Variants in HSPA12A observed in about 807,000 individuals in gnomAD.
The protein encoded by HSPA12A is heat shock 70 kDa protein 12A.
Under a neutral mutation model 69.2 loss-of-function variants are expected in HSPA12A, and 28 were observed. The ratio of observed to expected loss-of-function variants is 0.40; its 90% CI spans 0.30 to 0.55. The LOEUF (loss-of-function observed/expected upper bound fraction) is 0.55, where lower values mean the gene tolerates loss of function less well. Among genes scored for constraint, HSPA12A ranks in the 20% least tolerant of loss-of-function variants. The pLI, the probability that HSPA12A is intolerant of heterozygous loss-of-function variation, is 0.38. For missense variants in HSPA12A, 686 were observed against 900.7 expected (o/e 0.76, Z 3.05); for synonymous variants, 345 against 370.5 (o/e 0.93, Z 0.79).
At chr10:116,760,614 T>C (rs1238473536) in intron 2 of HSPA12A, among the ~76,000 whole-genome samples, 9 of 152,330 alleles carry the variant, frequency 5.9e-5, no homozygotes, top group Non-Finnish European at 1.2e-4. Context: ...ATGTACTTGC[T>C]CAATGAATTA....
rs966214508 is a variant in HSPA12A at position 116,838,054 on chromosome 10, T to TA, written c.4-3033dup. ...AAGTTCTGCCTGGCTCTGAGTCCCT[T>TA]AAAAAAAAACAAGATTTATATACTC... On this transcript the variant is annotated intron_variant, in intron 1 of 12. Coordinates refer to the HSPA12A transcript ENST00000635765. Among the ~76,000 whole-genome samples, 373 of 150,866 alleles carry TA rather than the reference T, an allele frequency of 2.5e-3. 1 individual carries two copies. Among genetic ancestry groups the TA allele is most frequent in the African/African-American group, 7.5e-3 (308 of 41,178 alleles).
At position 116,700,955 on chromosome 10, in the gene HSPA12A, C is replaced by T; in HGVS notation, c.429G>A (p.Leu143=). The change falls in exon 4 of 12, where the codon CTG becomes CTA. Residue 143 remains leucine (L), a synonymous_variant. Coordinates refer to ENST00000369209, the MANE Select transcript of HSPA12A (RefSeq NM_025015.3). ...WLYLEKFKMK[L]HTTGDLTMDT... is the part of the protein sequence containing the mutation. ...GAGGCTTGCTCACCCCAGTGGTGTG[C>T]AGCTTCATCTTGAACTTCTCCAGGT... is the stretch of plus-strand genomic sequence containing the variant. 2 of 1,613,636 alleles carry T rather than the reference C, an allele frequency of 1.2e-6. No homozygotes were observed. The highest frequency in any genetic ancestry group is 1.7e-6 in the Non-Finnish European group (2 of 1,179,966).
chr10:116,808,310 C>T (rs967373636), intron 2 of HSPA12A, among the ~76,000 whole-genome samples: 15 of 954 alleles, frequency 0.016, no homozygotes, highest in African/African-American at 0.048. Flanking sequence ...GAAAGGGGGA[C>T]GGGGGCTGGG....
chr10:116,727,526 G>A (rs1851007177), intron 1 of HSPA12A, among the ~76,000 whole-genome samples: 2 of 152,186 alleles, frequency 1.3e-5, no homozygotes, highest in African/African-American at 4.8e-5. Context: ...TGACACAAGG[G>A]TGTGAGTACA....
intron 2 of HSPA12A, among the ~76,000 whole-genome samples, chr10:116,777,931 T>A (rs188557479): frequency 1.3e-5 from 2 of 152,308 alleles, no homozygotes; most frequent in Non-Finnish European, 2.9e-5. Context: ...TTTCACCATG[T>A]TGGCTGGGCT....
upstream of HSPA12A, among the ~76,000 whole-genome samples, chr10:116,743,392 G>C (rs1185792053): frequency 6.6e-6 from 1 of 152,224 alleles, no homozygotes; most frequent in Non-Finnish European, 1.5e-5. Context: ...TGGCAAACGA[G>C]GGCAGTAATA....
intron 1 of HSPA12A, among the ~76,000 whole-genome samples, chr10:116,735,992 T>A (rs530531280): frequency 6.6e-6 from 1 of 152,310 alleles, no homozygotes; most frequent in Admixed American, 6.5e-5. Context: ...GAAGACCTTG[T>A]CTTAAAATAA....
intron 1 of HSPA12A, among the ~76,000 whole-genome samples, chr10:116,731,993 G>T (rs1181494222): frequency 2.6e-5 from 4 of 152,108 alleles, no homozygotes; most frequent in Admixed American, 6.6e-5. Flanking sequence ...TCCTAAAGTG[G>T]TCCTGCAGAG....
chr10:116,733,362 C>T (rs1056232769), intron 1 of HSPA12A, among the ~76,000 whole-genome samples: 5 of 152,184 alleles, frequency 3.3e-5, no homozygotes, highest in African/African-American at 4.8e-5. Context: ...AGCCCGAATA[C>T]CTACAGCTTC....
intron 2 of HSPA12A, among the ~76,000 whole-genome samples, chr10:116,814,878 C>T (rs1391727515): frequency 3.3e-5 from 5 of 152,130 alleles, no homozygotes; most frequent in Admixed American, 6.5e-5. Flanking sequence ...ATACAGCCTA[C>T]GTTATAAAGG....
chr10:116,733,020 T>C (rs1554886022), intron 1 of HSPA12A, among the ~76,000 whole-genome samples: 1 of 152,208 alleles, frequency 6.6e-6, no homozygotes, highest in African/African-American at 2.4e-5. Context: ...GCTGTGGATG[T>C]ATCCATGAGC....
At chr10:116,825,161 T>C (rs1170892713) in intron 2 of HSPA12A, among the ~76,000 whole-genome samples, 1 of 146,280 alleles carries the variant, frequency 6.8e-6, no homozygotes, top group East Asian at 2.0e-4. Context: ...TACTCTAGTC[T>C]GGGTGGCAGG....
intron 2 of HSPA12A, among the ~76,000 whole-genome samples, chr10:116,780,769 A>G (rs1350922042): frequency 6.6e-6 from 1 of 152,194 alleles, no homozygotes; most frequent in Non-Finnish European, 1.5e-5. Context: ...TTTTAAGTGG[A>G]TATTTCAAAA....
chr10:116,791,744 T>C (rs1844705443), intron 2 of HSPA12A, among the ~76,000 whole-genome samples: 1 of 152,078 alleles, frequency 6.6e-6, no homozygotes, highest in Non-Finnish European at 1.5e-5. Context: ...GCATCTCCTA[T>C]TCACTACCTC....
intron 2 of HSPA12A, among the ~76,000 whole-genome samples, chr10:116,819,107 C>A (rs188290921): frequency 6.6e-6 from 1 of 152,168 alleles, no homozygotes; most frequent in African/African-American, 2.4e-5. Flanking sequence ...ACAAGCAGCA[C>A]CCCCAAGCCC....
At chr10:116,831,726 G>A (rs1845618844) in intron 2 of HSPA12A, 1 of 152,160 alleles carries the variant, frequency 6.6e-6, no homozygotes, top group South Asian at 2.1e-4. Flanking sequence ...TCTTCAAAAG[G>A]TTTTTGTTTT....
Position 116,792,351 on chromosome 10 carries a change from G to A in HSPA12A, c.91+42584C>T, listed in dbSNP as rs745801433. On this transcript the variant is annotated intron_variant, in intron 2 of 12. Coordinates refer to the HSPA12A transcript ENST00000635765. ...AGAGACAAAGAGTTCGGAGTGAGAG[G>A]TTCTAGAAGGAAATGAAAGTAGATG... is the stretch of plus-strand genomic sequence containing the variant. Among the ~76,000 whole-genome samples the A allele has an allele frequency of 4.3e-4, 65 of 151,516 alleles. 1 individual carries two copies. Among genetic ancestry groups the A allele is most frequent in the Non-Finnish European group, 1.6e-4 (11 of 67,962 alleles).
At chr10:116,836,476 G>T (rs937599762) in intron 1 of HSPA12A, among the ~76,000 whole-genome samples, 2 of 152,110 alleles carry the variant, frequency 1.3e-5, no homozygotes, top group Non-Finnish European at 2.9e-5. Context: ...AGATCGCTTT[G>T]GTTCCTTTCT....
At chr10:116,837,832 TTAAATC>T (rs1845743043) in intron 1 of HSPA12A, among the ~76,000 whole-genome samples, 1 of 152,146 alleles carries the variant, frequency 6.6e-6, no homozygotes, top group South Asian at 2.1e-4. Flanking sequence ...AAAAAATTCT[TTAAATC>T]TAAGCCCATT....
Sources: gnomAD v4.1 joint callset for allele counts (sites outside exome capture counted in the v4.1 genomes callset) on GRCh38, gnomAD v4.1.1 for gene constraint, MANE v1.5 for transcripts, NCBI Gene and HGNC (gene_info 2026-07-23, HGNC 2026-07-21) for gene names.